The following SLC35F1 variants were observed in gnomAD, a reference collection of about 807,000 sequenced individuals.
The protein encoded by SLC35F1 is chromosome 6 open reading frame 169.
In SLC35F1, 14 loss-of-function variants were observed where a neutral mutation model predicts 48.7. The observed-to-expected ratio is 0.29, with a 90% CI of 0.19 to 0.45. The LOEUF (loss-of-function observed/expected upper bound fraction) is 0.45, where lower values mean the gene tolerates loss of function less well. Ranked by LOEUF, SLC35F1 falls within the 20% of genes least tolerant of loss-of-function variation. The pLI is 1.00. For missense variants in SLC35F1, 404 were observed against 500.0 expected, an observed-to-expected ratio of 0.81 and a Z score of 1.83; for synonymous variants, 190 against 202.2, an observed-to-expected ratio of 0.94 and a Z score of 0.51.
intron 4 of SLC35F1, among the ~76,000 whole-genome samples, chr6:118,269,124 C>A (rs1775818621): frequency 6.6e-6 from 1 of 152,120 alleles, no homozygotes. Context: ...AGATTGTATT[C>A]ATTAATCCTG....
chr6:118,177,185 G>A (rs777203785), intron 2 of SLC35F1, among the ~76,000 whole-genome samples: 1 of 151,870 alleles, frequency 6.6e-6, no homozygotes, highest in Non-Finnish European at 1.5e-5. Flanking sequence ...TTCTTGATAG[G>A]TCCTATTTTC....
intron 1 of SLC35F1, among the ~76,000 whole-genome samples, chr6:118,062,360 A>G (rs1772553394): frequency 6.6e-6 from 1 of 152,080 alleles, no homozygotes; most frequent in African/African-American, 2.4e-5. Flanking sequence ...TTTCTTTTTT[A>G]TTTGATTTTT....
rs144733415 is a variant in SLC35F1, at chr6:118,123,673, A to C, written c.174-30772A>C. On this transcript the variant is annotated intron_variant, in intron 1 of 7. Transcript: ENST00000360388. Reference sequence around the variant, plus strand: ...AGTCTTAAAATGGTAAACACTTCTGAATTGATACCCTGTAGCCCACAATGA... The same window carrying C: ...AGTCTTAAAATGGTAAACACTTCTGCATTGATACCCTGTAGCCCACAATGA... Among the ~76,000 whole-genome samples, 401 of 147,934 alleles carry C rather than the reference A, an allele frequency of 2.7e-3. 4 individuals carry two copies. The highest frequency in any genetic ancestry group is 7.2e-3 in the Admixed American group (107 of 14,884).
chr6:117,982,586 A>G (rs2114851266), intron 1 of SLC35F1, among the ~76,000 whole-genome samples: 1 of 152,340 alleles, frequency 6.6e-6, no homozygotes, highest in Non-Finnish European at 1.5e-5. Context: ...TAATTGGAGC[A>G]GAATCTGTGG....
chr6:118,148,408 C>G (rs1053409027), intron 1 of SLC35F1, among the ~76,000 whole-genome samples: 2 of 152,124 alleles, frequency 1.3e-5, no homozygotes, highest in Non-Finnish European at 2.9e-5. Flanking sequence ...TTTTGAATAT[C>G]TAATTTGTAA....
chr6:117,923,280 C>A (rs997086141), intron 1 of SLC35F1, among the ~76,000 whole-genome samples: 1 of 151,998 alleles, frequency 6.6e-6, no homozygotes, highest in African/African-American at 2.4e-5. Flanking sequence ...CCAGCCATTT[C>A]AGCAGTCATT....
At chr6:118,110,179 A>G (rs1773379003) in intron 1 of SLC35F1, among the ~76,000 whole-genome samples, 1 of 152,164 alleles carries the variant, frequency 6.6e-6, no homozygotes, top group Non-Finnish European at 1.5e-5. Flanking sequence ...CTTGGAAGTC[A>G]TTGCTCCCTT....
chr6:117,960,996 T>C (rs1776490063), intron 1 of SLC35F1, among the ~76,000 whole-genome samples: 1 of 152,168 alleles, frequency 6.6e-6, no homozygotes, highest in Admixed American at 6.5e-5. Context: ...TTGGTACTAC[T>C]TAACATAGTA....
chr6:118,277,512 G>A lies in SLC35F1; in HGVS notation c.813G>A (p.Lys271=), dbSNP rs1220621019. The A allele has an allele frequency of 3.7e-6, 6 of 1,613,930 alleles. No homozygotes were observed. The South Asian group carries it at 4.4e-5, about 12-fold the overall frequency. The change falls in exon 6 of 8, where the codon AAG becomes AAA. Residue 271 remains lysine (K), a synonymous_variant. Transcript: ENST00000360388. The stretch of plus-strand genomic sequence containing the variant: ...TTTGCAGAGCTATAATGGAGCATAA[G>A]GAACTGTTGAAGGTGCCCTGGGACT... ...SGIQLAIMEH[K]ELLKVPWDWQ...
chr6:118,152,268 G>C (rs965169661), intron 1 of SLC35F1, among the ~76,000 whole-genome samples: 1 of 152,192 alleles, frequency 6.6e-6, no homozygotes, highest in Non-Finnish European at 1.5e-5. Flanking sequence ...AGTGCAAGTA[G>C]CTCTGTAAGG....
chr6:118,293,575 T>C (rs1776149996), intron 7 of SLC35F1, among the ~76,000 whole-genome samples: 1 of 152,136 alleles, frequency 6.6e-6, no homozygotes, highest in Non-Finnish European at 1.5e-5. Flanking sequence ...AGGGTGTGAA[T>C]ATCTTTGGGG....
intron 1 of SLC35F1, among the ~76,000 whole-genome samples, chr6:117,936,750 TA>T (rs199620161): frequency 0.013 from 1,915 of 151,760 alleles, 39 homozygotes; most frequent in African/African-American, 0.043. Flanking sequence ...ACAGTTCTTT[TA>T]AAAAAAAACT....
chr6:118,285,959 C>T (rs886101293), intron 7 of SLC35F1, among the ~76,000 whole-genome samples: 3 of 152,138 alleles, frequency 2.0e-5, no homozygotes, highest in South Asian at 2.1e-4. Context: ...AAACTCTACC[C>T]GCATCTTTGC....
intron 2 of SLC35F1, among the ~76,000 whole-genome samples, chr6:118,201,780 T>A (rs527433459): frequency 1.1e-4 from 17 of 152,194 alleles, no homozygotes; most frequent in Admixed American, 2.0e-4. Flanking sequence ...TCATTCCCCA[T>A]TTCAAGGCCA....
chr6:118,216,332 C>T (rs1225901432), intron 2 of SLC35F1, among the ~76,000 whole-genome samples: 1 of 151,486 alleles, frequency 6.6e-6, no homozygotes, highest in Non-Finnish European at 1.5e-5. Context: ...GCTGGGATTA[C>T]AGGCATGAGC....
intron 1 of SLC35F1, among the ~76,000 whole-genome samples, chr6:118,036,192 T>G (rs1279053560): frequency 1.3e-5 from 2 of 152,176 alleles, no homozygotes; most frequent in African/African-American, 4.8e-5. Context: ...AAACACCGCT[T>G]TAGGTGTATC....
At chr6:118,096,756 GA>G (rs2114356093) in intron 1 of SLC35F1, among the ~76,000 whole-genome samples, 1 of 152,254 alleles carries the variant, frequency 6.6e-6, no homozygotes, top group South Asian at 2.1e-4. Flanking sequence ...CTGTCAACAT[GA>G]GACAATATTA....
chr6:118,001,480 C>A (rs988945480), intron 1 of SLC35F1, among the ~76,000 whole-genome samples: 1 of 152,190 alleles, frequency 6.6e-6, no homozygotes, highest in African/African-American at 2.4e-5. Context: ...AACGTCAGAT[C>A]TAAAACCATA....
chr6:118,185,667 A>G (rs72963653), intron 2 of SLC35F1, among the ~76,000 whole-genome samples: 20,340 of 152,124 alleles, frequency 0.13, 1,625 homozygotes, highest in Non-Finnish European at 0.18. Context: ...CTTCCTGCAC[A>G]ACCCCAGGAA....
Sources: gnomAD v4.1 joint callset for allele counts (sites outside exome capture counted in the v4.1 genomes callset) on GRCh38, gnomAD v4.1.1 for gene constraint, MANE v1.5 for transcripts, NCBI Gene and HGNC (gene_info 2026-07-23, HGNC 2026-07-21) for gene names.